The following PPP2R5B variants were observed in gnomAD, a reference collection of about 807,000 sequenced individuals.
PPP2R5B encodes the protein serine/threonine-protein phosphatase 2A 56 kDa regulatory subunit beta isoform.
A neutral mutation model predicts 59.9 loss-of-function variants in PPP2R5B; 19 were observed. The observed-to-expected ratio is 0.32, with a 90% CI of 0.22 to 0.47. The LOEUF is 0.47. Among genes scored for constraint, PPP2R5B ranks in the 20% least tolerant of loss-of-function variants. The pLI is 1.00. For missense variants in PPP2R5B, 441 were observed against 640.2 expected, an observed-to-expected ratio of 0.69 and a Z score of 3.36; for synonymous variants, 286 against 260.5, an observed-to-expected ratio of 1.10 and a Z score of -0.94.
upstream of PPP2R5B, among the ~76,000 whole-genome samples, chr11:64,920,430 T>C (rs535476124): frequency 3.5e-4 from 53 of 152,232 alleles, no homozygotes; most frequent in African/African-American, 1.1e-3. Flanking sequence ...GACACAAAGA[T>C]ACTTCCCCAG....
rs1945218353 is a variant in PPP2R5B, at chr11:64,930,571, G to C, written c.873G>C (p.Leu291=). 1 of 1,614,140 alleles carries C rather than the reference G, an allele frequency of 6.2e-7. No individual in the cohort carries two copies. Among genetic ancestry groups the C allele is most frequent in the South Asian group, 1.1e-5 (1 of 91,084 alleles). ...VLIPLHSVKS[L]SVFHAQLAYC... is the part of the protein sequence containing the mutation. The stretch of plus-strand genomic sequence containing the variant: ...TCCCCCTGCACTCTGTCAAGTCGCT[G>C]TCTGTCTTCCATGCCCAGGTGAGGC... The change falls in exon 8 of 14, where the codon CTG becomes CTC. Residue 291 remains leucine (L), a synonymous_variant. Coordinates refer to ENST00000164133, the MANE Select transcript of PPP2R5B (RefSeq NM_006244.4).
In PPP2R5B at chr11:64,925,803, C is replaced by T; in HGVS notation, c.69C>T (p.Pro23=). 1 of 1,598,596 alleles carries T rather than the reference C, an allele frequency of 6.3e-7. No individual in the cohort carries two copies. The highest frequency in any genetic ancestry group is 2.2e-5 in the East Asian group (1 of 44,562). Residue 23 remains proline (P), a synonymous_variant, in exon 2 of 14, where the codon CCC becomes CCT. Transcript: ENST00000164133. This position sits in a 1 kb window ranked among gnomAD's most constrained non-coding sequence, Gnocchi z 4.6. ...SPSSPGLSPV[P]PPDKVDGFSR... is the part of the protein sequence containing the mutation. ...CCTCCCCCGGGCTGTCGCCTGTGCC[C>T]CCACCCGACAAGGTGGACGGCTTCT...
chr11:64,929,165 T>C (rs891311225), intron 6 of PPP2R5B, among the ~76,000 whole-genome samples: 5 of 152,044 alleles, frequency 3.3e-5, no homozygotes, highest in African/African-American at 2.4e-5. Flanking sequence ...CCAAGAGAGA[T>C]GAAATGGTTT....
At chr11:64,920,180 A>T (rs1235398314), upstream of PPP2R5B, among the ~76,000 whole-genome samples, 1 of 152,202 alleles carries the variant, frequency 6.6e-6, no homozygotes, top group African/African-American at 2.4e-5. Flanking sequence ...GTGGGGATAG[A>T]AGGGGATATT....
upstream of PPP2R5B, chr11:64,924,466 A>T (rs1445199216): frequency 6.7e-6 from 1 of 150,284 alleles, no homozygotes; most frequent in Admixed American, 6.7e-5. Context: ...CCCTTCTAGA[A>T]TCCAGGCTTC....
rs139405284 is a variant in PPP2R5B, at chr11:64,927,831, G to A, written c.426G>A (p.Pro142=). The A allele has an allele frequency of 1.1e-5, 17 of 1,611,968 alleles. No homozygotes were observed. The highest frequency in any genetic ancestry group is 8.8e-5 in the South Asian group (8 of 91,018). The stretch of plus-strand genomic sequence containing the variant: ...CAGTGAATATCTTCCGGACTCTGCC[G>A]CCCAGTGAGAACCCTGAATTTGACC... ...MISVNIFRTL[P]PSENPEFDPE... is the part of the protein sequence containing the mutation. The change falls in exon 4 of 14, where the codon CCG becomes CCA. Residue 142 remains proline (P), a synonymous_variant. Coordinates refer to ENST00000164133, the MANE Select transcript of PPP2R5B (RefSeq NM_006244.4).
rs1412374358 is a variant in PPP2R5B, at chr11:64,934,145, C to T, written c.*301C>T. 5.7e-6 allele frequency: 2 copies of T among 351,402 alleles called. No individual in the cohort carries two copies. The highest frequency in any genetic ancestry group is 1.0e-5 in the Non-Finnish European group (2 of 195,562). 21.8% of individuals were successfully genotyped at this position (351,402 alleles called of 1,614,324 possible). A position where few individuals can be genotyped will look rare whatever the true frequency, so the allele number is the denominator to read the frequency against. On this transcript the variant is annotated 3_prime_UTR_variant, in exon 14 of 14. Transcript: ENST00000164133. ...GCTCCAGCTGCAGGCGGGCTCCCAC[C>T]CTCTGCTCCTGGCCTTGGGCAAGGG... is the stretch of plus-strand genomic sequence containing the variant.
chr11:64,927,606 G>A (rs1251426608), intron 3 of PPP2R5B, 196 bp from the exon 4 acceptor site: 4 of 580,220 alleles, frequency 6.9e-6, no homozygotes, highest in Non-Finnish European at 1.2e-5. Context: ...AGAAGGCTGA[G>A]GTGGGAGGAT....
chr11:64,926,968 C>T, intron 3 of PPP2R5B, 60 bp downstream of exon 3: 12 of 1,564,386 alleles, frequency 7.7e-6, no homozygotes, highest in Non-Finnish European at 9.5e-6. Flanking sequence ...GCCCCGTTTC[C>T]TGTCCGCAGG....
chr11:64,932,938 C>G (rs745872220), intron 12 of PPP2R5B, 46 bp downstream of exon 12: 1 of 1,609,048 alleles, frequency 6.2e-7, no homozygotes, highest in Non-Finnish European at 8.5e-7. Flanking sequence ...GGGACCAGGG[C>G]CAGCCAGTCC....
At chr11:64,921,420 G>C (rs1270106664), upstream of PPP2R5B, among the ~76,000 whole-genome samples, 1 of 152,168 alleles carries the variant, frequency 6.6e-6, no homozygotes, top group African/African-American at 2.4e-5. Flanking sequence ...AGGCCGGGGG[G>C]CATCCTTCCC....
At position 64,930,146 on chromosome 11, in the gene PPP2R5B, G is replaced by C. The variant is rs542862348; in HGVS notation, c.723-176G>C. On this transcript the variant is annotated intron_variant, in intron 6 of 13. Coordinates refer to ENST00000164133, the MANE Select transcript of PPP2R5B (RefSeq NM_006244.4). ...GGCTGAGAAGGGCATTTCAGTGTGG[G>C]GGGGCGGGGATCTCAATGGGGCCTG... Among the ~76,000 whole-genome samples the C allele has an allele frequency of 7.9e-5, 12 of 152,228 alleles. No individual in the cohort carries two copies. The East Asian group carries it at 1.2e-3, about 15-fold the overall frequency.
intron 6 of PPP2R5B, among the ~76,000 whole-genome samples, chr11:64,928,734 A>G (rs1031260072): frequency 1.3e-5 from 2 of 152,218 alleles, no homozygotes; most frequent in African/African-American, 4.8e-5. Flanking sequence ...AATACAAAAA[A>G]TTAGCCGGGC....
At chr11:64,921,096 T>C (rs1044501926), upstream of PPP2R5B, among the ~76,000 whole-genome samples, 2 of 151,720 alleles carry the variant, frequency 1.3e-5, no homozygotes, top group Non-Finnish European at 2.9e-5. Flanking sequence ...GCTGGGACTA[T>C]AGGCTCGTGC....
chr11:64,931,259 C>T lies in PPP2R5B; in HGVS notation c.892-177C>T, dbSNP rs142789411. ...CTCCCCGCGAGATCAGAGTTGTATTCCCAGCACACTGAATGTGATGCCTGG... is the reference window on the plus strand; with the variant it reads ...CTCCCCGCGAGATCAGAGTTGTATTTCCAGCACACTGAATGTGATGCCTGG... On this transcript the variant is annotated intron_variant, in intron 8 of 13. Coordinates refer to ENST00000164133, the MANE Select transcript of PPP2R5B (RefSeq NM_006244.4). This position sits in a 1 kb window ranked among gnomAD's most constrained non-coding sequence, Gnocchi z 5.0. Among the ~76,000 whole-genome samples, 114 of 152,246 alleles carry T rather than the reference C, an allele frequency of 7.5e-4. No homozygotes were observed. The highest frequency in any genetic ancestry group is 3.4e-3 in the Middle Eastern group (1 of 294).
upstream of PPP2R5B, among the ~76,000 whole-genome samples, chr11:64,920,544 C>T (rs148748258): frequency 1.9e-3 from 287 of 151,958 alleles, no homozygotes; most frequent in Admixed American, 6.9e-3. Flanking sequence ...GTAAAGGGGA[C>T]GATATTCTCT....
chr11:64,924,001 G>C (rs370405058), upstream of PPP2R5B, among the ~76,000 whole-genome samples: 24 of 152,280 alleles, frequency 1.6e-4, no homozygotes, highest in East Asian at 1.4e-3. Flanking sequence ...GGTCCAGGGG[G>C]GCTGAAAGGT....
chr11:64,922,786 A>G (rs1487014435), upstream of PPP2R5B, among the ~76,000 whole-genome samples: 1 of 151,248 alleles, frequency 6.6e-6, no homozygotes, highest in African/African-American at 2.4e-5. Flanking sequence ...GAGGCAGGAG[A>G]ATGGTGTGAA....
chr11:64,922,698 C>A (rs1002023560), upstream of PPP2R5B, among the ~76,000 whole-genome samples: 5 of 151,342 alleles, frequency 3.3e-5, no homozygotes, highest in Non-Finnish European at 5.9e-5. Context: ...CACGGTGAAA[C>A]CCCGTCTCTA....
Sources: allele counts gnomAD v4.1 joint callset (sites outside exome capture counted in the v4.1 genomes callset), GRCh38; gene constraint gnomAD v4.1.1; non-coding constraint Gnocchi (gnomAD v3.1); transcripts MANE v1.5; gene names NCBI Gene and HGNC (gene_info 2026-07-23, HGNC 2026-07-21).